Variants in ATG9A observed in about 807,000 individuals in gnomAD.
ATG9A encodes autophagy related 9A.
A neutral mutation model predicts 87.1 loss-of-function variants in ATG9A; 21 were observed. The ratio of observed to expected loss-of-function variants is 0.24; its 90% confidence interval spans 0.17 to 0.35. ATG9A has a LOEUF of 0.35. ATG9A is among the 10% of genes least tolerant of loss of function. The pLI is 1.00. For missense variants in ATG9A, 836 were observed against 1,107.3 expected, an observed-to-expected ratio of 0.76 and a Z score of 3.48; for synonymous variants, 422 against 441.3, an observed-to-expected ratio of 0.96 and a Z score of 0.55.
intron 4 of ATG9A, 53 bp from the exon 5 acceptor site, chr2:219,226,986 CTT>C: frequency 6.8e-7 from 1 of 1,474,704 alleles, no homozygotes. Flanking sequence ...AGAGCACAGA[CTT>C]TGGTGTCAAC....
rs764820534 is a variant in ATG9A at position 219,225,451 on chromosome 2, G to A, written c.334C>T (p.Leu112=). The change falls in exon 6 of 16, where the codon CTG becomes TTG. Residue 112 remains leucine (L), a synonymous_variant. Transcript: ENST00000361242. ...LHPTEPVKVT[L]PDAFLPAQVC... is the part of the protein sequence containing the mutation. ...TGAGCAGGCAAAAAGGCGTCTGGCA[G>A]AGTGACCTTGACGGGTTCAGTAGGG... 1 of 1,614,232 alleles carries A rather than the reference G, an allele frequency of 6.2e-7. No homozygotes were observed. The highest frequency in any genetic ancestry group is 8.5e-7 in the Non-Finnish European group (1 of 1,180,036).
chr2:219,223,036 CA>C lies in ATG9A; in HGVS notation c.1600-144del, dbSNP rs1950793382. ...CTTTCCCAGGGCACTGGTGCCCCCC[CA>C]GACCCAGGAGGGGCTGCACTGCATG... On this transcript the variant is annotated intron_variant, in intron 10 of 15. Transcript: ENST00000361242. The surrounding 1 kb of genome is among the most constrained non-coding windows in gnomAD (Gnocchi z 4.7). 9.0e-6 allele frequency: 10 copies of C among 1,114,658 alleles called. No individual in the cohort carries two copies. Among genetic ancestry groups the C allele is most frequent in the South Asian group, 6.1e-5 (4 of 65,162 alleles). 69.0% of individuals were successfully genotyped at this position (1,114,658 alleles called of 1,614,324 possible).
chr2:219,223,782 A>C lies in ATG9A; in HGVS notation c.1420-18T>G, dbSNP rs1192326876. 1.2e-6 allele frequency: 2 copies of C among 1,613,468 alleles called. No individual in the cohort carries two copies. The highest frequency in any genetic ancestry group is 2.7e-5 in the African/African-American group (2 of 74,870). On this transcript the variant is annotated intron_variant, in intron 9 of 15. Transcript: ENST00000361242. This position sits in a 1 kb window ranked among gnomAD's most constrained non-coding sequence, Gnocchi z 4.7. ...ATGAACACCTAAAAGGGCGGGACCAAGGTCACAAGCGAGCAGGAGGGAGCC... is the reference window on the plus strand; with the variant it reads ...ATGAACACCTAAAAGGGCGGGACCACGGTCACAAGCGAGCAGGAGGGAGCC...
rs377035601 is a variant in ATG9A, at chr2:219,226,952, A to G, written c.148-19T>C. Reference sequence around the variant, plus strand: ...TATAAACGTGTAATTGTTAAGAAAAAGTAGTCAGTAAAGAAAGCAGGTAAG... The same window carrying G: ...TATAAACGTGTAATTGTTAAGAAAAGGTAGTCAGTAAAGAAAGCAGGTAAG... On this transcript the variant is annotated intron_variant, in intron 4 of 15. Coordinates refer to ENST00000361242, the MANE Select transcript of ATG9A (RefSeq NM_001077198.3). 1.6e-5 allele frequency: 25 copies of G among 1,602,052 alleles called. No individual in the cohort carries two copies. The East Asian group carries it at 2.2e-4, about 14-fold the overall frequency.
rs1251183599 is a variant in ATG9A at position 219,224,548 on chromosome 2, G to A, written c.823C>T (p.Arg275Cys). ...NEWSLKAEYK[R>C]GGQRLELAQR... is the part of the protein sequence containing the mutation. ...GCCAGCTCTAGCCGTTGCCCCCCAC[G>A]TTTGTACTCGGCCTTGAGGCTCCAT... is the stretch of plus-strand genomic sequence containing the variant. The change falls in exon 8 of 16, where the codon CGT (arginine) becomes TGT (cysteine). Residue 275 changes from arginine to cysteine, a missense_variant. Arg to Cys is a radical substitution (Grantham distance 180). This residue lies in a region of ATG9A where 512 missense variants were observed against 759.6 expected (regional missense o/e 0.67). Coordinates refer to ENST00000361242, the MANE Select transcript of ATG9A (RefSeq NM_001077198.3). The surrounding 1 kb of genome is among the most constrained non-coding windows in gnomAD (Gnocchi z 7.7). The A allele has an allele frequency of 3.7e-6, 6 of 1,614,184 alleles. No individual in the cohort carries two copies. Among genetic ancestry groups the A allele is most frequent in the Non-Finnish European group, 5.1e-6 (6 of 1,180,050 alleles).
Position 219,225,210 on chromosome 2 carries a change from A to G in ATG9A, c.377T>C (p.Ile126Thr). ...FLPAQVCSAR[I>T]QENGSLITIL... ...GGTGATAAGGGAGCCATTTTCCTGA[A>G]TCCTGGTGGGGAAAAAGAAGGGGAG... The change falls in exon 7 of 16, where the codon ATT (isoleucine) becomes ACT (threonine). Residue 126 changes from isoleucine to threonine, a missense_variant and splice_region_variant. Around this residue, in one of 2 missense-constraint regions of ATG9A, gnomAD observed 512 missense variants for 759.6 expected, o/e 0.67. Transcript: ENST00000361242. The G allele has an allele frequency of 6.2e-7, 1 of 1,614,110 alleles. No individual in the cohort carries two copies. The highest frequency in any genetic ancestry group is 8.5e-7 in the Non-Finnish European group (1 of 1,179,998).
In ATG9A at chr2:219,220,738, G is replaced by A. The variant is rs749753870; in HGVS notation, c.2514+9C>T. On this transcript the variant is annotated intron_variant, in intron 15 of 15. Coordinates refer to ENST00000361242, the MANE Select transcript of ATG9A (RefSeq NM_001077198.3). ...TCTGGCAGTTTTTCCTAGGCCCCGG[G>A]GCCCTTACCTTGTGCACCTGAGGGG... 1 of 1,610,702 alleles carries A rather than the reference G, an allele frequency of 6.2e-7. No homozygotes were observed. Among genetic ancestry groups the A allele is most frequent in the African/African-American group, 1.3e-5 (1 of 74,760 alleles).
chr2:219,225,626 A>T, intron 5 of ATG9A, 54 bp from the exon 6 acceptor site: 1 of 1,579,310 alleles, frequency 6.3e-7, no homozygotes, highest in Non-Finnish European at 8.7e-7. Flanking sequence ...GCTCCAGTGA[A>T]ACCCAGTGGG....
rs201551334 is a variant in ATG9A, at chr2:219,224,546, A to C, written c.825T>G (p.Arg275=). The C allele has an allele frequency of 2.1e-4, 334 of 1,614,146 alleles. No individual in the cohort carries two copies. The highest frequency in any genetic ancestry group is 2.7e-4 in the Non-Finnish European group (315 of 1,180,026). The change falls in exon 8 of 16, where the codon CGT becomes CGG. Residue 275 remains arginine, a synonymous_variant. Transcript: ENST00000361242. The surrounding 1 kb of genome is among the most constrained non-coding windows in gnomAD (Gnocchi z 7.7). The stretch of plus-strand genomic sequence containing the variant: ...GGGCCAGCTCTAGCCGTTGCCCCCC[A>C]CGTTTGTACTCGGCCTTGAGGCTCC... The part of the protein sequence containing the change: ...NEWSLKAEYK[R]GGQRLELAQR...
Position 219,222,959 on chromosome 2 carries a change from T to C in ATG9A, c.1600-66A>G. 6.3e-7 allele frequency: 1 copy of C among 1,593,318 alleles called. No homozygotes were observed. Among genetic ancestry groups the C allele is most frequent in the Non-Finnish European group, 8.5e-7 (1 of 1,169,908 alleles). ...CAGGAGCCTTCCTGCACCTTTCCTG[T>C]TAGTGGGGAGGCCTTACCCTTGGAG... On this transcript the variant is annotated intron_variant, in intron 10 of 15. Coordinates refer to ENST00000361242, the MANE Select transcript of ATG9A (RefSeq NM_001077198.3). This position sits in a 1 kb window ranked among gnomAD's most constrained non-coding sequence, Gnocchi z 4.3.
chr2:219,221,951 G>C (rs1349742721), intron 13 of ATG9A, 99 bp downstream of exon 13: 1 of 1,018,768 alleles, frequency 9.8e-7, no homozygotes, highest in African/African-American at 1.6e-5. Context: ...TATGGGAGTG[G>C]AGGTGGCAGA....
rs780669489 is a variant in ATG9A, at chr2:219,220,466, G to A, written c.2515-14C>T. 1.2e-6 allele frequency: 2 copies of A among 1,613,618 alleles called. No homozygotes were observed. Among genetic ancestry groups the A allele is most frequent in the African/African-American group, 1.3e-5 (1 of 74,892 alleles). On this transcript the variant is annotated splice_polypyrimidine_tract_variant and intron_variant, in intron 15 of 15. Transcript: ENST00000361242. ...CCTTGTCTATACCTGTGGGGAGAAA[G>A]GGTTGGTAATGGAGATAGTCTTCAG...
At chr2:219,227,618 A>G in intron 4 of ATG9A, 152 bp downstream of exon 4, 1 of 898,962 alleles carries the variant, frequency 1.1e-6, no homozygotes, top group Non-Finnish European at 1.8e-6. Flanking sequence ...TCATTACTTA[A>G]CGATGATTTC....
rs1950832715 is a variant in ATG9A at position 219,224,989 on chromosome 2, GGATAACT to G, written c.516+75_516+81del. The G allele has an allele frequency of 1.9e-6, 3 of 1,588,228 alleles. No homozygotes were observed. On this transcript the variant is annotated intron_variant, in intron 7 of 15. Transcript: ENST00000361242. This position sits in a 1 kb window ranked among gnomAD's most constrained non-coding sequence, Gnocchi z 7.7. ...TTCCTGATTTGTCAATGACAGATAAGGATAACTGATGCCCAGGAATACACCCACACCT... is the reference window on the plus strand; with the variant it reads ...TTCCTGATTTGTCAATGACAGATAAGGATGCCCAGGAATACACCCACACCT...
At chr2:219,221,421 G>C in intron 13 of ATG9A, 119 bp from the exon 14 acceptor site, 1 of 912,000 alleles carries the variant, frequency 1.1e-6, no homozygotes, top group South Asian at 1.8e-5. Flanking sequence ...CCTTGCCTCA[G>C]AGCACCTATT....
At chr2:219,225,347 A>T (rs777337943) in intron 6 of ATG9A, 64 bp downstream of exon 6, 297 of 1,597,104 alleles carry the variant, frequency 1.9e-4, no homozygotes, top group Non-Finnish European at 2.2e-4. Context: ...CTCAGACTCC[A>T]CTCTATTACC....
Position 219,223,587 on chromosome 2 carries a change from G to A in ATG9A, c.1597C>T (p.Gln533Ter), listed in dbSNP as rs763377305. 6.2e-7 allele frequency: 1 copy of A among 1,602,196 alleles called. No individual in the cohort carries two copies. Among genetic ancestry groups the A allele is most frequent in the African/African-American group, 1.3e-5 (1 of 74,648 alleles). ...QMDVRQHGHPQWLSAGQTEAS... is the reference protein window; with the variant it reads ...QMDVRQHGHP Reference sequence around the variant, plus strand: ...CTGGCTCCCTCCTCTCCCAGTACCTGGGGATGACCATGCTGGCGAACATCC... The same window carrying A: ...CTGGCTCCCTCCTCTCCCAGTACCTAGGGATGACCATGCTGGCGAACATCC... Residue 533 changes from glutamine to a stop codon, truncating the protein, a stop_gained and splice_region_variant, in exon 10 of 16, where the codon CAG (glutamine) becomes TAG (stop). Transcript: ENST00000361242. LOFTEE classifies it high-confidence loss of function. This position sits in a 1 kb window ranked among gnomAD's most constrained non-coding sequence, Gnocchi z 4.7.
chr2:219,225,585 G>A lies in ATG9A; in HGVS notation c.213-13C>T. The A allele has an allele frequency of 6.8e-6, 11 of 1,613,150 alleles. No individual in the cohort carries two copies. The highest frequency in any genetic ancestry group is 9.3e-6 in the Non-Finnish European group (11 of 1,179,292). ...AAAGAGGAACTGCCTGGGGAGTTGGGAAGAAGGGGTGCAGTCTGAGAGCCA... is the reference window on the plus strand; with the variant it reads ...AAAGAGGAACTGCCTGGGGAGTTGGAAAGAAGGGGTGCAGTCTGAGAGCCA... On this transcript the variant is annotated splice_polypyrimidine_tract_variant and intron_variant, in intron 5 of 15. Transcript: ENST00000361242.
intron 4 of ATG9A, 134 bp from the exon 5 acceptor site, chr2:219,227,067 C>G (rs1188438758): frequency 2.7e-6 from 2 of 738,454 alleles, no homozygotes; most frequent in East Asian, 5.3e-5. Flanking sequence ...CTTAACCTGT[C>G]TAAACTTTTG....
Sources: allele counts gnomAD v4.1 joint callset, GRCh38; gene constraint gnomAD v4.1.1; regional missense constraint gnomAD v4.1.1; non-coding constraint Gnocchi (gnomAD v3.1); transcripts MANE v1.5; gene names NCBI Gene and HGNC (gene_info 2026-07-23, HGNC 2026-07-21).